C18orf54: variants seen among roughly 807,000 people sequenced by gnomAD.
The protein encoded by C18orf54 is chromosome 18 open reading frame 54, also known as lung adenoma susceptibility protein 2.
In C18orf54, 49 loss-of-function variants were observed where a neutral mutation model predicts 49.3. The observed-to-expected ratio is 0.99, with a 90% confidence interval of 0.79 to 1.26. The LOEUF (loss-of-function observed/expected upper bound fraction) is 1.26, where lower values mean the gene tolerates loss of function less well. Among genes scored for constraint, C18orf54 ranks in the 50% most tolerant of loss-of-function variants. The pLI, the probability that C18orf54 is intolerant of heterozygous loss-of-function variation, is 0.00. For synonymous variants in C18orf54, 211 were observed against 216.6 expected (o/e 0.97, Z 0.23); for missense variants, 687 against 620.6 (o/e 1.11, Z -1.14).
chr18:54,361,944 A>G lies in C18orf54; in HGVS notation c.585A>G (p.Gln195=), dbSNP rs775538201. The G allele has an allele frequency of 4.3e-6, 7 of 1,614,034 alleles. No homozygotes were observed. The highest frequency in any genetic ancestry group is 1.6e-4 in the Middle Eastern group (1 of 6,084). The change falls in exon 4 of 9, where the codon CAA becomes CAG. Residue 195 remains glutamine, a synonymous_variant. Coordinates refer to ENST00000620105, the MANE Select transcript of C18orf54 (RefSeq NM_001288980.2). ...TACGCTCAAATATAAATGGAAAGCA[A>G]TGTGGTAGGCTGAAAAACCCAAAAC... ...PVIRSNINGK[Q]CGRLKNPKLM...
rs2089672380 is a variant in C18orf54 at position 54,381,496 on chromosome 18, G to T, written c.*3250G>T. 6.6e-6 allele frequency: 1 copy of T among 152,170 alleles called. No homozygotes were observed. The highest frequency in any genetic ancestry group is 1.5e-5 in the Non-Finnish European group (1 of 68,022). 9.4% of individuals were successfully genotyped at this position (152,170 alleles called of 1,614,324 possible). On this transcript the variant is annotated 3_prime_UTR_variant, in exon 9 of 9. Coordinates refer to ENST00000620105, the MANE Select transcript of C18orf54 (RefSeq NM_001288980.2). ...TGACTGGTCTTGGCAAGACTCTGTTGTGTATCACCACTCTAACCTTACTGA... is the reference window on the plus strand; with the variant it reads ...TGACTGGTCTTGGCAAGACTCTGTTTTGTATCACCACTCTAACCTTACTGA...
rs748216639 is a variant in C18orf54 at position 54,360,850 on chromosome 18, A to G, written c.278A>G (p.Asn93Ser). The G allele has an allele frequency of 1.2e-6, 2 of 1,609,266 alleles. No homozygotes were observed. The highest frequency in any genetic ancestry group is 1.3e-5 in the African/African-American group (1 of 74,804). Residue 93 changes from asparagine (N) to serine (S), a missense_variant, in exon 3 of 9, where the codon AAC (asparagine) becomes AGC (serine). Asn to Ser is a conservative substitution (Grantham distance 46). Transcript: ENST00000620105. ...TTCTGCAACTATATTTACAAACCAA[A>G]CAATGGTATGCTTTTATTCTTTGTT... ...SQFCNYIYKP[N>S]NAFENLDHKK...
chr18:54,360,942 T>C, intron 3 of C18orf54, 87 bp downstream of exon 3: 1 of 1,301,520 alleles, frequency 7.7e-7, no homozygotes, highest in Non-Finnish European at 1.1e-6. Context: ...TTTGACATTA[T>C]TTTTGTTACT....
At chr18:54,364,552 A>C (rs139230235) in intron 5 of C18orf54, among the ~76,000 whole-genome samples, 23 of 152,244 alleles carry the variant, frequency 1.5e-4, no homozygotes, top group African/African-American at 4.3e-4. Context: ...CCTGTCATCA[A>C]AAACAAAATT....
In C18orf54 at chr18:54,360,592, A is replaced by G. The variant is rs1376333071; in HGVS notation, c.20A>G (p.Lys7Arg). 1.4e-5 allele frequency: 23 copies of G among 1,613,884 alleles called. No individual in the cohort carries two copies. Among genetic ancestry groups the G allele is most frequent in the Non-Finnish European group, 1.8e-5 (21 of 1,179,896 alleles). ...GAAGCCATGGCGAAATCAAAGACAA[A>G]ACATAGACTTTGTTCTCAGGAATCT... MAKSKT[K>R]HRLCSQESSV... The change falls in exon 3 of 9, where the codon AAA becomes AGA. Residue 7 changes from lysine (K) to arginine (R), a missense_variant. By Grantham distance (26) the Lys-to-Arg change is conservative. Coordinates refer to ENST00000620105, the MANE Select transcript of C18orf54 (RefSeq NM_001288980.2).
chr18:54,377,687 ATGAGTTTTGT>A (rs2089599278), intron 8 of C18orf54, among the ~76,000 whole-genome samples: 1 of 152,218 alleles, frequency 6.6e-6, no homozygotes, highest in Non-Finnish European at 1.5e-5. Context: ...ATCAATAAAA[ATGAGTTTTGT>A]TCAGATCTGT....
At chr18:54,370,583 A>C (rs2089468399) in intron 6 of C18orf54, among the ~76,000 whole-genome samples, 1 of 152,226 alleles carries the variant, frequency 6.6e-6, no homozygotes, top group South Asian at 2.1e-4. Context: ...TGGTTCTAAG[A>C]GTCAAAGATA....
intron 8 of C18orf54, among the ~76,000 whole-genome samples, chr18:54,376,863 C>A (rs1485340096): frequency 1.3e-5 from 2 of 152,118 alleles, no homozygotes; most frequent in Admixed American, 1.3e-4. Context: ...CTTCCATCTC[C>A]TTGTCCTGGG....
intron 6 of C18orf54, among the ~76,000 whole-genome samples, chr18:54,368,012 CTG>C (rs1568186761): frequency 2.0e-5 from 3 of 151,924 alleles, no homozygotes; most frequent in African/African-American, 7.2e-5. Context: ...GAATTCTTCA[CTG>C]TGTATTTTCT....
chr18:54,362,540 G>GT, intron 4 of C18orf54, 109 bp downstream of exon 4: 1 of 999,950 alleles, frequency 1.0e-6, no homozygotes. Flanking sequence ...TTGTTTTCAT[G>GT]TAATACATCT....
At chr18:54,362,483 A>C (rs1183547941) in intron 4 of C18orf54, 52 bp downstream of exon 4, 1 of 1,376,568 alleles carries the variant, frequency 7.3e-7, no homozygotes, top group African/African-American at 1.5e-5. Context: ...TTTTTAAACC[A>C]AAAGAAGTGC....
intron 8 of C18orf54, among the ~76,000 whole-genome samples, chr18:54,375,143 A>G (rs1449554052): frequency 6.6e-6 from 1 of 151,980 alleles, no homozygotes; most frequent in Non-Finnish European, 1.5e-5. Flanking sequence ...ACTGGGGTAT[A>G]ATGTTTCATA....
At chr18:54,367,389 C>T (rs1008144480) in intron 6 of C18orf54, among the ~76,000 whole-genome samples, 2 of 152,054 alleles carry the variant, frequency 1.3e-5, no homozygotes, top group African/African-American at 4.8e-5. Flanking sequence ...TAGGATTCCC[C>T]TGAGCATTTC....
rs1356114257 is a variant in C18orf54 at position 54,360,679 on chromosome 18, G to T, written c.107G>T (p.Gly36Val). The change falls in exon 3 of 9, where the codon GGC becomes GTC. Residue 36 changes from glycine to valine, a missense_variant. Gly to Val is a moderately radical substitution (Grantham distance 109, BLOSUM62 -3). Coordinates refer to ENST00000620105, the MANE Select transcript of C18orf54 (RefSeq NM_001288980.2). Reference sequence around the variant, plus strand: ...GGTAGTAATTCCTCTAATTCTGATGGCTCGTTTCACTATAAAGATAAGCTG... The same window carrying T: ...GGTAGTAATTCCTCTAATTCTGATGTCTCGTTTCACTATAAAGATAAGCTG... ...LSGSNSSNSD[G>V]SFHYKDKLYR... is the part of the protein sequence containing the mutation. 4 of 1,613,978 alleles carry T rather than the reference G, an allele frequency of 2.5e-6. No individual in the cohort carries two copies. The highest frequency in any genetic ancestry group is 3.4e-6 in the Non-Finnish European group (4 of 1,179,964).
rs1599356066 is a variant in C18orf54 at position 54,378,458 on chromosome 18, A to G, written c.*212A>G. Reference sequence around the variant, plus strand: ...GCCAACATACTAGAATGTGAACTGCAAGGACCCACAATATATCCTGAAGTC... The same window carrying G: ...GCCAACATACTAGAATGTGAACTGCGAGGACCCACAATATATCCTGAAGTC... On this transcript the variant is annotated 3_prime_UTR_variant, in exon 9 of 9. Transcript: ENST00000620105. The G allele has an allele frequency of 1.5e-5, 6 of 407,092 alleles. No individual in the cohort carries two copies. The East Asian group carries it at 2.4e-4, about 16-fold the overall frequency. The allele number at this position is 407,092 out of a possible 1,614,324, so 25.2% of individuals were successfully genotyped here.
rs2089463758 is a variant in C18orf54 at position 54,370,305 on chromosome 18, A to C, written c.1327-2161A>C. Among the ~76,000 whole-genome samples, 2 of 152,070 alleles carry C rather than the reference A, an allele frequency of 1.3e-5. 1 individual carries two copies. On this transcript the variant is annotated intron_variant, in intron 6 of 8. Coordinates refer to ENST00000620105, the MANE Select transcript of C18orf54 (RefSeq NM_001288980.2). ...AAAAAAAAAAAAAAGTTTAAAACAC[A>C]ATGTGCAAGTATTTACATACTGTTG... is the stretch of plus-strand genomic sequence containing the variant.
chr18:54,374,298 A>G lies in C18orf54; in HGVS notation c.1529+14A>G, dbSNP rs1414181450. 6.4e-7 allele frequency: 1 copy of G among 1,557,296 alleles called. No homozygotes were observed. Among genetic ancestry groups the G allele is most frequent in the South Asian group, 1.2e-5 (1 of 80,968 alleles). On this transcript the variant is annotated intron_variant, in intron 8 of 8. Transcript: ENST00000620105. The stretch of plus-strand genomic sequence containing the variant: ...GTCACTTCAGAAGTAAGTATTCTTT[A>G]CTAATATGGATACAAATCCATCTTA...
At position 54,372,544 on chromosome 18, in the gene C18orf54, C is replaced by T. The variant is rs2089505615; in HGVS notation, c.1405C>T (p.Gln469Ter). 3 of 1,610,340 alleles carry T rather than the reference C, an allele frequency of 1.9e-6. No homozygotes were observed. The highest frequency in any genetic ancestry group is 1.3e-5 in the African/African-American group (1 of 74,888). The change falls in exon 7 of 9, where the codon CAA becomes TAA. Residue 469 changes from glutamine (Q) to a stop codon, truncating the protein, a stop_gained. Transcript: ENST00000620105. LOFTEE classifies it high-confidence loss of function. ...KQMLFNLQAV[Q>*]ERFNQNKTTD... ...AATGTTATTTAACCTTCAAGCAGTACAAGAACGTTTTAATCAAAATAAGAC... is the reference window on the plus strand; with the variant it reads ...AATGTTATTTAACCTTCAAGCAGTATAAGAACGTTTTAATCAAAATAAGAC...
chr18:54,362,636 A>T, intron 4 of C18orf54, 135 bp from the exon 5 acceptor site: 1 of 943,532 alleles, frequency 1.1e-6, no homozygotes, highest in South Asian at 1.7e-5. Flanking sequence ...TTGAAATGTC[A>T]CATTTTAACA....
Sources: allele counts gnomAD v4.1 joint callset (sites outside exome capture counted in the v4.1 genomes callset), GRCh38; gene constraint gnomAD v4.1.1; transcripts MANE v1.5; gene names NCBI Gene and HGNC (gene_info 2026-07-23, HGNC 2026-07-21).